The following KAZN variants were observed in gnomAD, a reference collection of about 807,000 sequenced individuals.
The protein encoded by KAZN is kazrin, periplakin interacting protein.
In KAZN, 40 loss-of-function variants were observed where a neutral mutation model predicts 87.4. That is an observed-to-expected ratio of 0.46 (90% CI 0.36 to 0.60). The LOEUF (loss-of-function observed/expected upper bound fraction) is 0.60, where lower values mean the gene tolerates loss of function less well. KAZN is among the 20% of genes least tolerant of loss of function. The pLI is 0.00. For missense variants in KAZN, 898 were observed against 1,073.9 expected, an observed-to-expected ratio of 0.84 and a Z score of 2.29; for synonymous variants, 466 against 458.3, an observed-to-expected ratio of 1.02 and a Z score of -0.22.
At chr1:14,995,411 T>C (rs1409038101) in intron 2 of KAZN, among the ~76,000 whole-genome samples, 1 of 152,020 alleles carries the variant, frequency 6.6e-6, no homozygotes, top group Non-Finnish European at 1.5e-5. Flanking sequence ...TCACCTGAGG[T>C]GAGGAGTTCA....
chr1:14,371,309 CTT>C (rs948137050), intron 2 of KAZN, among the ~76,000 whole-genome samples: 41 of 152,316 alleles, frequency 2.7e-4, no homozygotes, highest in Admixed American at 1.4e-3. Context: ...CTTTCCGTCT[CTT>C]GAGTTCTTCA....
intron 2 of KAZN, among the ~76,000 whole-genome samples, chr1:14,967,482 T>A (rs1390018851): frequency 2.0e-5 from 3 of 152,102 alleles, no homozygotes; most frequent in Non-Finnish European, 1.5e-5. Flanking sequence ...CCCAAAGATG[T>A]CCCCAGCCTA....
chr1:14,102,733 C>T (rs965600594), intron 1 of KAZN, among the ~76,000 whole-genome samples: 15 of 152,014 alleles, frequency 9.9e-5, no homozygotes, highest in African/African-American at 1.7e-4. Flanking sequence ...GTGCCATAAC[C>T]GCACACCATG....
At chr1:14,704,209 A>G (rs1642083883) in intron 1 of KAZN, among the ~76,000 whole-genome samples, 1 of 152,236 alleles carries the variant, frequency 6.6e-6, no homozygotes, top group Admixed American at 6.5e-5. Flanking sequence ...AGGAAATATC[A>G]AGAATAGGGA....
intron 2 of KAZN, among the ~76,000 whole-genome samples, chr1:14,514,586 T>TATGAAA (rs1486553184): frequency 0.021 from 2,031 of 98,458 alleles, 90 homozygotes; most frequent in East Asian, 0.027. Flanking sequence ...TTATATATTT[T>TATGAAA]TTTATATTTT....
chr1:14,599,833 C>T lies in KAZN; in HGVS notation c.226+610C>T, dbSNP rs550351498. Among the ~76,000 whole-genome samples, 53 of 152,102 alleles carry T rather than the reference C, an allele frequency of 3.5e-4. No homozygotes were observed. Among genetic ancestry groups the T allele is most frequent in the African/African-American group, 1.2e-3 (49 of 41,488 alleles). On this transcript the variant is annotated intron_variant, in intron 1 of 14. Coordinates refer to ENST00000376030, the MANE Select transcript of KAZN (RefSeq NM_201628.3). The surrounding 1 kb of genome is among the most constrained non-coding windows in gnomAD (Gnocchi z 4.4). ...TTTAAATTTCCGCAAATATAAACAC[C>T]GAGAGCACTTTCCAGGGGGATACTG...
At chr1:14,323,122 C>T (rs1454395912) in intron 2 of KAZN, among the ~76,000 whole-genome samples, 1 of 152,058 alleles carries the variant, frequency 6.6e-6, no homozygotes, top group Non-Finnish European at 1.5e-5. Context: ...TTACCTCAAC[C>T]TAGTCTCTCC....
chr1:14,144,105 A>G (rs757232996), intron 1 of KAZN, among the ~76,000 whole-genome samples: 15 of 152,186 alleles, frequency 9.9e-5, no homozygotes, highest in Admixed American at 5.2e-4. Flanking sequence ...TGAGCACATC[A>G]GGGAATCTCT....
intron 2 of KAZN, among the ~76,000 whole-genome samples, chr1:14,463,728 C>T (rs1667969168): frequency 6.6e-6 from 1 of 152,120 alleles, no homozygotes; most frequent in African/African-American, 2.4e-5. Flanking sequence ...TCAGCCCAAG[C>T]GTCTCTCAGG....
intron 1 of KAZN, among the ~76,000 whole-genome samples, chr1:14,697,253 C>G (rs1389186643): frequency 1.3e-5 from 2 of 151,798 alleles, no homozygotes; most frequent in African/African-American, 4.8e-5. Flanking sequence ...TTGTTTAAGC[C>G]CCGGGGGTCA....
chr1:14,051,765 G>A (rs539387534), intron 1 of KAZN, among the ~76,000 whole-genome samples: 1 of 152,218 alleles, frequency 6.6e-6, no homozygotes, highest in South Asian at 2.1e-4. Flanking sequence ...GCTTGAACCC[G>A]GGAGGCGGAG....
chr1:14,531,670 C>T (rs760010422), intron 2 of KAZN, among the ~76,000 whole-genome samples: 4 of 152,160 alleles, frequency 2.6e-5, no homozygotes, highest in Admixed American at 6.5e-5. Context: ...TTTATCTTCC[C>T]AAGCTTCTCA....
intron 2 of KAZN, among the ~76,000 whole-genome samples, chr1:14,309,651 C>T (rs753901308): frequency 1.3e-5 from 2 of 152,152 alleles, no homozygotes; most frequent in Non-Finnish European, 2.9e-5. Context: ...GCCTCCACCT[C>T]CCAGGCTCAG....
At chr1:13,945,706 TGTGTGA>T (rs1388128191) in intron 1 of KAZN, among the ~76,000 whole-genome samples, 3 of 140,722 alleles carry the variant, frequency 2.1e-5, no homozygotes, top group East Asian at 2.6e-4. Context: ...TGTGTGTGTG[TGTGTGA>T]GAGAGAGAGA....
chr1:14,427,063 C>G (rs377314318), intron 2 of KAZN, among the ~76,000 whole-genome samples: 4 of 152,334 alleles, frequency 2.6e-5, no homozygotes, highest in African/African-American at 7.2e-5. Context: ...CTCACAAGAC[C>G]TGTAAAATTG....
intron 2 of KAZN, among the ~76,000 whole-genome samples, chr1:14,494,145 G>A (rs916398822): frequency 6.6e-6 from 1 of 152,160 alleles, no homozygotes; most frequent in African/African-American, 2.4e-5. Context: ...GCCCATCCAG[G>A]GCTGAGCACT....
chr1:14,785,431 G>T (rs804125), intron 1 of KAZN, among the ~76,000 whole-genome samples: 106,832 of 151,898 alleles, frequency 0.7, 37,757 homozygotes, highest in South Asian at 0.77. Flanking sequence ...CAAATATGGC[G>T]CCAAATCTTA....
intron 2 of KAZN, among the ~76,000 whole-genome samples, chr1:14,489,154 A>G (rs1408170424): frequency 6.6e-6 from 1 of 152,130 alleles, no homozygotes. Flanking sequence ...GATTGAGGTC[A>G]TTTCTACACG....
chr1:14,816,154 A>G (rs578030896), intron 1 of KAZN, among the ~76,000 whole-genome samples: 2 of 152,208 alleles, frequency 1.3e-5, no homozygotes, highest in Non-Finnish European at 2.9e-5. Context: ...AGAACCTACT[A>G]TGTGTCAGGC....
Sources: allele counts gnomAD v4.1 joint callset (sites outside exome capture counted in the v4.1 genomes callset), GRCh38; gene constraint gnomAD v4.1.1; non-coding constraint Gnocchi (gnomAD v3.1); transcripts MANE v1.5; gene names NCBI Gene and HGNC (gene_info 2026-07-23, HGNC 2026-07-21).